The following KCNK13 variants were observed in gnomAD, a reference collection of about 807,000 sequenced individuals.
The protein encoded by KCNK13 is potassium two pore domain channel subfamily K member 13, also known as potassium channel subfamily K member 13.
A neutral mutation model predicts 23.4 loss-of-function variants in KCNK13; 12 were observed. That is an observed-to-expected ratio of 0.51 (90% CI 0.33 to 0.83). The LOEUF (loss-of-function observed/expected upper bound fraction) is 0.83, where lower values mean the gene tolerates loss of function less well. Among genes scored for constraint, KCNK13 ranks in the 40% least tolerant of loss-of-function variants. The pLI, the probability that KCNK13 is intolerant of heterozygous loss-of-function variation, is 0.02. For synonymous variants in KCNK13, 231 were observed against 229.5 expected (o/e 1.01, Z -0.06); for missense variants, 463 against 556.3 (o/e 0.83, Z 1.69).
At chr14:90,120,614 G>C (rs982685061) in intron 1 of KCNK13, among the ~76,000 whole-genome samples, 1 of 152,156 alleles carries the variant, frequency 6.6e-6, no homozygotes, top group African/African-American at 2.4e-5. Flanking sequence ...CATGTGAACG[G>C]CATGGGGGCA....
chr14:90,097,622 A>C (rs956741885), intron 1 of KCNK13, among the ~76,000 whole-genome samples: 1 of 152,104 alleles, frequency 6.6e-6, no homozygotes, highest in African/African-American at 2.4e-5. Flanking sequence ...GACTGCCACA[A>C]ACTGTATTCC....
chr14:90,154,667 G>T (rs1000450752), intron 1 of KCNK13, among the ~76,000 whole-genome samples: 2 of 152,162 alleles, frequency 1.3e-5, no homozygotes, highest in Non-Finnish European at 2.9e-5. Flanking sequence ...AATAAGAATG[G>T]CTTATAAAAA....
intron 1 of KCNK13, among the ~76,000 whole-genome samples, chr14:90,140,801 C>T (rs753673126): frequency 6.6e-6 from 1 of 152,106 alleles, no homozygotes; most frequent in African/African-American, 2.4e-5. Context: ...ATTGTCTCCC[C>T]GGGGCGCAGT....
At chr14:90,110,495 A>G (rs996032713) in intron 1 of KCNK13, among the ~76,000 whole-genome samples, 4 of 149,108 alleles carry the variant, frequency 2.7e-5, no homozygotes, top group African/African-American at 7.3e-5. Context: ...AGAAAAAAAA[A>G]AAAAGCATCT....
chr14:90,155,158 A>G (rs1276665400), intron 1 of KCNK13, among the ~76,000 whole-genome samples: 1 of 152,182 alleles, frequency 6.6e-6, no homozygotes. Context: ...GTGGTTGGGG[A>G]AGGCTTCACT....
intron 1 of KCNK13, among the ~76,000 whole-genome samples, chr14:90,064,459 A>AT (rs1361021610): frequency 6.6e-6 from 1 of 152,036 alleles, no homozygotes; most frequent in Non-Finnish European, 1.5e-5. Context: ...GGGGATACGA[A>AT]TATGACAATG....
intron 1 of KCNK13, among the ~76,000 whole-genome samples, chr14:90,095,288 G>A (rs1482252532): frequency 6.6e-6 from 1 of 152,070 alleles, no homozygotes; most frequent in African/African-American, 2.4e-5. Flanking sequence ...TTCTAACAGG[G>A]GTGCATGGTA....
At chr14:90,113,801 C>T (rs1889642919) in intron 1 of KCNK13, among the ~76,000 whole-genome samples, 1 of 152,056 alleles carries the variant, frequency 6.6e-6, no homozygotes, top group Non-Finnish European at 1.5e-5. Context: ...AGCATGGTGG[C>T]ATGTGCCTGT....
At chr14:90,088,757 T>C (rs554350021) in intron 1 of KCNK13, among the ~76,000 whole-genome samples, 68 of 152,308 alleles carry the variant, frequency 4.5e-4, no homozygotes, top group Non-Finnish European at 8.2e-4. Context: ...CTCCCACAAT[T>C]CCCACGTGTC....
At chr14:90,077,114 T>C (rs1889147112) in intron 1 of KCNK13, among the ~76,000 whole-genome samples, 2 of 105,404 alleles carry the variant, frequency 1.9e-5, no homozygotes, top group South Asian at 6.6e-4. Flanking sequence ...CCACCGCACC[T>C]GGCTTTTTTT....
At chr14:90,079,242 A>G (rs1038319426) in intron 1 of KCNK13, among the ~76,000 whole-genome samples, 25 of 152,184 alleles carry the variant, frequency 1.6e-4, no homozygotes. Flanking sequence ...CAGTTTCTCT[A>G]AGAAACAGAC....
Position 90,149,685 on chromosome 14 carries a change from TG to T in KCNK13, c.335-34422del, listed in dbSNP as rs536263353. On this transcript the variant is annotated intron_variant, in intron 1 of 1. Coordinates refer to ENST00000282146, the MANE Select transcript of KCNK13 (RefSeq NM_022054.4). ...CAAACCGTTTGCCTGTTGCTGTGGC[TG>T]GGGACAAGCCATGAGGTCATCACAG... Among the ~76,000 whole-genome samples, 7 of 152,152 alleles carry T rather than the reference TG, an allele frequency of 4.6e-5. No homozygotes were observed. The South Asian group carries it at 1.5e-3, about 32-fold the overall frequency.
At chr14:90,159,471 T>A (rs1890228987) in intron 1 of KCNK13, among the ~76,000 whole-genome samples, 1 of 152,218 alleles carries the variant, frequency 6.6e-6, no homozygotes, top group Non-Finnish European at 1.5e-5. Context: ...GATAACTGGT[T>A]CTTGTCAAAT....
intron 1 of KCNK13, among the ~76,000 whole-genome samples, chr14:90,081,811 G>A: frequency 6.6e-6 from 1 of 152,112 alleles, no homozygotes; most frequent in Non-Finnish European, 1.5e-5. Flanking sequence ...TTGGGAGGTG[G>A]CGCCTTGAAG....
In KCNK13 at chr14:90,062,809, A is replaced by T. The variant is rs2140384076; in HGVS notation, c.334+270A>T. On this transcript the variant is annotated intron_variant, in intron 1 of 1. Coordinates refer to ENST00000282146, the MANE Select transcript of KCNK13 (RefSeq NM_022054.4). The surrounding 1 kb of genome is among the most constrained non-coding windows in gnomAD (Gnocchi z 4.5). ...CCTGCCGAGTCAGAATCTGCATGTT[A>T]ACAAAGTCCCCAAAGGATTGGAATG... Among the ~76,000 whole-genome samples the T allele has an allele frequency of 6.6e-6, 1 of 152,294 alleles. No homozygotes were observed. Among genetic ancestry groups the T allele is most frequent in the East Asian group, 1.9e-4 (1 of 5,178 alleles).
intron 1 of KCNK13, among the ~76,000 whole-genome samples, chr14:90,166,965 C>A (rs2140441281): frequency 6.6e-6 from 1 of 152,282 alleles, no homozygotes; most frequent in South Asian, 2.1e-4. Context: ...AAGTTGTGGG[C>A]ATGACACAGT....
At chr14:90,174,690 C>T (rs557624325) in intron 1 of KCNK13, among the ~76,000 whole-genome samples, 1 of 151,826 alleles carries the variant, frequency 6.6e-6, no homozygotes, top group Non-Finnish European at 1.5e-5. Flanking sequence ...TTCATCTCTA[C>T]AAAAAATCCA....
In KCNK13 at chr14:90,165,825, G is replaced by A. The variant is rs188318394; in HGVS notation, c.335-18286G>A. Among the ~76,000 whole-genome samples, 6 of 152,264 alleles carry A rather than the reference G, an allele frequency of 3.9e-5. No individual in the cohort carries two copies. The South Asian group carries it at 8.3e-4, about 21-fold the overall frequency. ...ATTCCAACCATCATCCTGGCTGACC[G>A]TGAGGAGGGAAAGCTTGTGAAAGCA... On this transcript the variant is annotated intron_variant, in intron 1 of 1. Transcript: ENST00000282146.
At chr14:90,139,448 G>T (rs1375080902) in intron 1 of KCNK13, among the ~76,000 whole-genome samples, 2 of 134,606 alleles carry the variant, frequency 1.5e-5, no homozygotes, top group Non-Finnish European at 3.1e-5. Flanking sequence ...AATGGGGCTG[G>T]GGGTGAGGCA....
Sources: gnomAD v4.1 joint callset for allele counts (sites outside exome capture counted in the v4.1 genomes callset) on GRCh38, gnomAD v4.1.1 for gene constraint, Gnocchi (gnomAD v3.1) non-coding constraint, MANE v1.5 for transcripts, NCBI Gene and HGNC (gene_info 2026-07-23, HGNC 2026-07-21) for gene names.